Variants in FUT8 observed in about 807,000 individuals in gnomAD.
FUT8 encodes alpha-(1,6)-fucosyltransferase.
Under a neutral mutation model 71.3 loss-of-function variants are expected in FUT8, and 29 were observed. The observed-to-expected ratio is 0.41, with a 90% CI of 0.30 to 0.55. The LOEUF is 0.55. Among genes scored for constraint, FUT8 ranks in the 20% least tolerant of loss-of-function variants. The probability of loss-of-function intolerance (pLI) is 0.34; values close to 1 mark genes in which losing one functional copy is unlikely to be tolerated. For synonymous variants in FUT8, 254 were observed against 239.3 expected (o/e 1.06, Z -0.57); for missense variants, 544 against 702.1 (o/e 0.77, Z 2.55).
intron 2 of FUT8, among the ~76,000 whole-genome samples, chr14:65,486,623 C>T (rs1183548703): frequency 1.3e-5 from 2 of 152,174 alleles, no homozygotes; most frequent in South Asian, 2.1e-4. Flanking sequence ...GTAGCTGGAG[C>T]TAGGGCAGTG....
chr14:65,512,830 C>T (rs998595091), intron 2 of FUT8, among the ~76,000 whole-genome samples: 1 of 149,998 alleles, frequency 6.7e-6, no homozygotes. Flanking sequence ...ATTGCTTGAA[C>T]CTGTGAGGCG....
At chr14:65,366,110 C>G in the FUT8 span, among the ~76,000 whole-genome samples, 752 of 152,282 alleles carry the variant, frequency 4.9e-3, 18 homozygotes, top group East Asian at 0.075. Flanking sequence ...GATCCAGAAC[C>G]CTTTCCTGTA....
chr14:65,506,118 G>A (rs1483484666), intron 2 of FUT8, among the ~76,000 whole-genome samples: 3 of 152,074 alleles, frequency 2.0e-5, no homozygotes, highest in Non-Finnish European at 2.9e-5. Flanking sequence ...CCTTGGGTCT[G>A]GCCATTCTGA....
chr14:65,415,421 TGGA>T (rs2065204852), intron 1 of FUT8, among the ~76,000 whole-genome samples: 1 of 152,218 alleles, frequency 6.6e-6, no homozygotes. Context: ...AAAGATTTAT[TGGA>T]TTTCTCACTT....
chr14:65,604,413 A>G (rs1371797825), intron 3 of FUT8, among the ~76,000 whole-genome samples: 1 of 151,990 alleles, frequency 6.6e-6, no homozygotes, highest in Non-Finnish European at 1.5e-5. Flanking sequence ...CTCTTAGACC[A>G]CAGTGGGATA....
At chr14:65,727,201 T>C (rs1369109288) in intron 9 of FUT8, among the ~76,000 whole-genome samples, 5 of 152,054 alleles carry the variant, frequency 3.3e-5, no homozygotes, top group Non-Finnish European at 7.4e-5. Flanking sequence ...TGGAGGATGG[T>C]GGCCCTCTTC....
At chr14:65,388,985 C>A in the FUT8 span, among the ~76,000 whole-genome samples, 1 of 150,598 alleles carries the variant, frequency 6.6e-6, no homozygotes, top group African/African-American at 2.4e-5. Context: ...TGTATATATG[C>A]ATATATAAAT....
intron 7 of FUT8, among the ~76,000 whole-genome samples, chr14:65,690,851 G>C (rs747639814): frequency 3.7e-4 from 56 of 151,670 alleles, no homozygotes; most frequent in Non-Finnish European, 7.4e-4. Context: ...TCAGCCTTCC[G>C]AGTAGCTGGG....
intron 3 of FUT8, among the ~76,000 whole-genome samples, chr14:65,592,360 TG>T (rs149368776): frequency 0.01 from 1,588 of 152,108 alleles, 28 homozygotes; most frequent in African/African-American, 0.037. Context: ...CAAGCATAAG[TG>T]GCTTCCTATA....
At chr14:65,592,089 C>G (rs1261262811) in intron 3 of FUT8, among the ~76,000 whole-genome samples, 2 of 152,054 alleles carry the variant, frequency 1.3e-5, no homozygotes, top group Admixed American at 1.3e-4. Flanking sequence ...GAAGATTTTT[C>G]TGCGACTTTG....
chr14:65,622,223 C>G (rs1227596071), intron 5 of FUT8, among the ~76,000 whole-genome samples: 12 of 152,336 alleles, frequency 7.9e-5, no homozygotes, highest in African/African-American at 2.6e-4. Flanking sequence ...AAAATCCGTT[C>G]TCTTAATTGC....
At chr14:65,729,344 A>G (rs1390453657) in intron 9 of FUT8, among the ~76,000 whole-genome samples, 1 of 151,978 alleles carries the variant, frequency 6.6e-6, no homozygotes, top group Non-Finnish European at 1.5e-5. Context: ...GACTACATAC[A>G]TATACGCTGT....
intron 7 of FUT8, among the ~76,000 whole-genome samples, chr14:65,699,736 A>G (rs1894189685): frequency 6.6e-6 from 1 of 152,080 alleles, no homozygotes; most frequent in Non-Finnish European, 1.5e-5. Flanking sequence ...CTTTCTTTTC[A>G]TTTGAGCTAA....
At chr14:65,451,152 T>G (rs74056775) in intron 1 of FUT8, among the ~76,000 whole-genome samples, 2,066 of 152,270 alleles carry the variant, frequency 0.014, 43 homozygotes, top group East Asian at 0.093. Flanking sequence ...CACTGCGCCT[T>G]GCCCCAGCCC....
At chr14:65,734,608 A>G (rs914877571) in intron 10 of FUT8, among the ~76,000 whole-genome samples, 3 of 152,132 alleles carry the variant, frequency 2.0e-5, no homozygotes, top group Non-Finnish European at 4.4e-5. Flanking sequence ...ACTCATTTCC[A>G]TTCTTATTGC....
chr14:65,583,127 C>G (rs138295266), intron 3 of FUT8, among the ~76,000 whole-genome samples: 1 of 152,252 alleles, frequency 6.6e-6, no homozygotes, highest in African/African-American at 2.4e-5. Flanking sequence ...CTGCCTTTTA[C>G]CACTTTGATC....
At chr14:65,465,448 A>C (rs1368413697) in intron 2 of FUT8, among the ~76,000 whole-genome samples, 1 of 152,194 alleles carries the variant, frequency 6.6e-6, no homozygotes, top group Non-Finnish European at 1.5e-5. Flanking sequence ...CTGGGATTAC[A>C]TGTATGAGCC....
At chr14:65,699,685 C>G (rs1048341257) in intron 7 of FUT8, among the ~76,000 whole-genome samples, 9 of 152,150 alleles carry the variant, frequency 5.9e-5, no homozygotes, top group Non-Finnish European at 4.4e-5. Context: ...ATACTTTCTG[C>G]TCTTCATCTC....
chr14:65,708,338 A>G (rs1307196402), intron 7 of FUT8, among the ~76,000 whole-genome samples: 2 of 152,218 alleles, frequency 1.3e-5, no homozygotes, highest in Admixed American at 1.3e-4. Context: ...CTCCCCAGCC[A>G]TGCTGAACTG....
Sources: allele counts gnomAD v4.1 joint callset (sites outside exome capture counted in the v4.1 genomes callset), GRCh38; gene constraint gnomAD v4.1.1; transcripts MANE v1.5; gene names NCBI Gene and HGNC (gene_info 2026-07-23, HGNC 2026-07-21).